The following RIMS1 variants were observed in gnomAD, a reference collection of about 807,000 sequenced individuals.
RIMS1 encodes the protein regulating synaptic membrane exocytosis 1.
In RIMS1, 83 loss-of-function variants were observed where a neutral mutation model predicts 214.1. The ratio of observed to expected loss-of-function variants is 0.39; its 90% confidence interval spans 0.32 to 0.47. The LOEUF (loss-of-function observed/expected upper bound fraction) is 0.47, where lower values mean the gene tolerates loss of function less well. RIMS1 is among the 20% of genes least tolerant of loss of function. The probability of loss-of-function intolerance (pLI) is 0.99; values close to 1 mark genes in which losing one functional copy is unlikely to be tolerated. For missense variants in RIMS1, 2,050 were observed against 2,161.8 expected, an observed-to-expected ratio of 0.95 and a Z score of 1.03; for synonymous variants, 793 against 786.8, an observed-to-expected ratio of 1.01 and a Z score of -0.13.
At chr6:72,126,714 A>G in intron 4 of RIMS1, 1 of 294,134 alleles carries the variant, frequency 3.4e-6, no homozygotes, top group Non-Finnish European at 6.8e-6. Context: ...ATGTAAATTA[A>G]AACAACAATG....
intron 4 of RIMS1, among the ~76,000 whole-genome samples, chr6:72,163,909 C>T (rs1352784956): frequency 6.6e-6 from 1 of 152,178 alleles, no homozygotes; most frequent in African/African-American, 2.4e-5. Context: ...CCAATACTGT[C>T]TTCCAAGCTG....
At chr6:71,999,963 A>G (rs1804631858) in intron 2 of RIMS1, among the ~76,000 whole-genome samples, 3 of 152,242 alleles carry the variant, frequency 2.0e-5, no homozygotes, top group South Asian at 2.1e-4. Context: ...TTAGATTGAA[A>G]TACTCTCTAC....
chr6:72,182,656 C>G lies in RIMS1; in HGVS notation c.1185C>G (p.Leu395=), dbSNP rs1271089969. ...AGCGGCGCCACAGCGACGTGGCGCTCCCGCGCACCGAGGCGGGCGCGGCGC... is the reference window on the plus strand; with the variant it reads ...AGCGGCGCCACAGCGACGTGGCGCTGCCGCGCACCGAGGCGGGCGCGGCGC... ...RHERRHSDVA[L]PRTEAGAALP... is the part of the protein sequence containing the mutation. The change falls in exon 6 of 34, where the codon CTC becomes CTG. Residue 395 remains leucine (L), a synonymous_variant. Transcript: ENST00000521978. 10 of 1,483,596 alleles carry G rather than the reference C, an allele frequency of 6.7e-6. No homozygotes were observed. Among genetic ancestry groups the G allele is most frequent in the Non-Finnish European group, 5.4e-6 (6 of 1,120,342 alleles). 91.9% of individuals were successfully genotyped at this position (1,483,596 alleles called of 1,614,324 possible).
intron 6 of RIMS1, chr6:72,216,907 C>T: frequency 8.2e-7 from 1 of 1,222,880 alleles, no homozygotes. Context: ...CAGCACAGAG[C>T]ACTATAGATT....
intron 1 of RIMS1, among the ~76,000 whole-genome samples, chr6:71,946,861 T>C (rs1787973218): frequency 6.6e-6 from 1 of 151,986 alleles, no homozygotes; most frequent in Non-Finnish European, 1.5e-5. Flanking sequence ...AACCTAGGGT[T>C]TTAGAGAATA....
chr6:72,159,380 C>A (rs2044955330), intron 4 of RIMS1, among the ~76,000 whole-genome samples: 1 of 140,530 alleles, frequency 7.1e-6, no homozygotes, highest in Non-Finnish European at 1.6e-5. Context: ...TTTTGCTGTG[C>A]AGAAGCTCTT....
At chr6:72,096,826 A>T in intron 2 of RIMS1, 123 bp from the exon 3 acceptor site, 2 of 769,662 alleles carry the variant, frequency 2.6e-6, no homozygotes, top group South Asian at 3.3e-5. Context: ...ATAGTTTTGT[A>T]TGTTTTGCTT....
intron 30 of RIMS1, among the ~76,000 whole-genome samples, chr6:72,391,885 C>T (rs1208414196): frequency 1.3e-5 from 2 of 152,204 alleles, no homozygotes; most frequent in African/African-American, 4.8e-5. Flanking sequence ...TAAAATTTGC[C>T]TCCATCATAA....
intron 1 of RIMS1, among the ~76,000 whole-genome samples, chr6:71,956,443 GC>G (rs1191398292): frequency 6.6e-6 from 1 of 151,946 alleles, no homozygotes; most frequent in Non-Finnish European, 1.5e-5. Context: ...TTTAAGTTTT[GC>G]TCTGAGCTTC....
intron 29 of RIMS1, among the ~76,000 whole-genome samples, chr6:72,381,064 A>G (rs542378820): frequency 6.6e-6 from 1 of 152,318 alleles, no homozygotes; most frequent in South Asian, 2.1e-4. Flanking sequence ...TAAAGAGCAG[A>G]TATTTATTTT....
chr6:72,232,440 C>T (rs911051011), intron 6 of RIMS1, among the ~76,000 whole-genome samples: 13 of 151,438 alleles, frequency 8.6e-5, no homozygotes, highest in Non-Finnish European at 1.8e-4. Flanking sequence ...TTTCTGACTT[C>T]CTAATATTCC....
At chr6:72,124,125 C>A (rs190577077) in intron 4 of RIMS1, among the ~76,000 whole-genome samples, 1 of 151,744 alleles carries the variant, frequency 6.6e-6, no homozygotes, top group Non-Finnish European at 1.5e-5. Context: ...TGTTCCTTTC[C>A]GTGTTTAGTG....
At chr6:71,970,726 A>G (rs1795653757) in intron 2 of RIMS1, among the ~76,000 whole-genome samples, 2 of 152,146 alleles carry the variant, frequency 1.3e-5, no homozygotes, top group Admixed American at 6.5e-5. Flanking sequence ...CTCTTTGCTC[A>G]CTCAATTCTT....
At chr6:72,093,943 T>C (rs1162460610) in intron 2 of RIMS1, among the ~76,000 whole-genome samples, 1 of 152,204 alleles carries the variant, frequency 6.6e-6, no homozygotes, top group Non-Finnish European at 1.5e-5. Flanking sequence ...ATATGTTACT[T>C]TTCTGAATTA....
chr6:72,171,312 A>G lies in RIMS1; in HGVS notation c.472-8263A>G, dbSNP rs140864822. 4.3e-3 allele frequency among the ~76,000 whole-genome samples: 650 copies of G among 149,636 alleles called. 6 individuals are homozygous for G. The highest frequency in any genetic ancestry group is 0.016 in the African/African-American group (635 of 40,894). On this transcript the variant is annotated intron_variant, in intron 4 of 33. Coordinates refer to ENST00000521978, the MANE Select transcript of RIMS1 (RefSeq NM_014989.7). ...TAATACATATATTTATACCTAATAC[A>G]TATACATACATATATAATGTATAAA...
At chr6:72,398,762 G>A (rs1319026372) in intron 32 of RIMS1, among the ~76,000 whole-genome samples, 193 bp from the exon 33 acceptor site, 2 of 152,032 alleles carry the variant, frequency 1.3e-5, no homozygotes, top group African/African-American at 4.8e-5. Context: ...GTCAAAATGA[G>A]GAAAATGGCA....
intron 29 of RIMS1, among the ~76,000 whole-genome samples, chr6:72,388,601 C>T (rs931888832): frequency 7.2e-5 from 11 of 152,092 alleles, no homozygotes; most frequent in Admixed American, 2.6e-4. Flanking sequence ...ACTAGCTGTA[C>T]GGGTATGGCA....
At chr6:72,039,826 G>T (rs1820924735) in intron 2 of RIMS1, among the ~76,000 whole-genome samples, 1 of 151,820 alleles carries the variant, frequency 6.6e-6, no homozygotes, top group South Asian at 2.1e-4. Flanking sequence ...TCTAATACAG[G>T]TACAATGATT....
At chr6:72,286,281 A>T (rs1057027624) in intron 24 of RIMS1, among the ~76,000 whole-genome samples, 1 of 152,122 alleles carries the variant, frequency 6.6e-6, no homozygotes, top group African/African-American at 2.4e-5. Context: ...TTTTTTTGGC[A>T]ATAAGATACT....
Sources: gnomAD v4.1 joint callset for allele counts (sites outside exome capture counted in the v4.1 genomes callset) on GRCh38, gnomAD v4.1.1 for gene constraint, MANE v1.5 for transcripts, NCBI Gene and HGNC (gene_info 2026-07-23, HGNC 2026-07-21) for gene names.